ARFGAP3: variants seen among roughly 807,000 people sequenced by gnomAD.
ARFGAP3 encodes the protein ARF GTPase activating protein 3.
Under a neutral mutation model 75.0 loss-of-function variants are expected in ARFGAP3, and 72 were observed. The observed-to-expected ratio is 0.96, with a 90% confidence interval of 0.79 to 1.17. ARFGAP3 has a LOEUF of 1.17. Ranked by LOEUF, ARFGAP3 falls within the 50% of genes most tolerant of loss-of-function variation. The pLI, the probability that ARFGAP3 is intolerant of heterozygous loss-of-function variation, is 0.00. For missense variants in ARFGAP3, 620 were observed against 626.6 expected (o/e 0.99, Z 0.11); for synonymous variants, 221 against 217.9 (o/e 1.01, Z -0.13).
intron 2 of ARFGAP3, among the ~76,000 whole-genome samples, chr22:42,841,486 C>A (rs957229659): frequency 6.6e-6 from 1 of 152,280 alleles, no homozygotes; most frequent in African/African-American, 2.4e-5. Flanking sequence ...GGAAAAAACA[C>A]AAGATTTCAT....
chr22:42,834,693 C>T (rs948288234), intron 4 of ARFGAP3, among the ~76,000 whole-genome samples: 6 of 152,164 alleles, frequency 3.9e-5, no homozygotes, highest in Admixed American at 2.0e-4. Flanking sequence ...AATTAGTCCT[C>T]GTGGTGTTTT....
rs535752707 is a variant in ARFGAP3, at chr22:42,844,479, G to A, written c.188+3035C>T. On this transcript the variant is annotated intron_variant, in intron 2 of 15. Coordinates refer to ENST00000263245, the MANE Select transcript of ARFGAP3 (RefSeq NM_014570.5). ...ACACACCTGTAATCCCAGCTACTTC[G>A]GAGGCTGAAGCAGGAGAATTGCTTG... Among the ~76,000 whole-genome samples the A allele has an allele frequency of 3.1e-3, 472 of 152,030 alleles. 3 individuals are homozygous for A. The highest frequency in any genetic ancestry group is 0.011 in the African/African-American group (445 of 41,486).
At chr22:42,830,539 C>T (rs1427555665) in intron 6 of ARFGAP3, among the ~76,000 whole-genome samples, 1 of 152,206 alleles carries the variant, frequency 6.6e-6, no homozygotes, top group Non-Finnish European at 1.5e-5. Context: ...AACCCATGAA[C>T]TCACTGCTTA....
At chr22:42,807,204 T>C (rs11913107) in intron 13 of ARFGAP3, 41 bp from the exon 14 acceptor site, 46,673 of 1,565,508 alleles carry the variant, frequency 0.03, 860 homozygotes, top group African/African-American at 0.074. Context: ...GCTCCAAAGA[T>C]TGTGGGCAGT....
At chr22:42,810,741 T>G in intron 12 of ARFGAP3, 72 bp downstream of exon 12, 1 of 1,358,592 alleles carries the variant, frequency 7.4e-7, no homozygotes, top group Non-Finnish European at 1.0e-6. Flanking sequence ...TTTCATGTCA[T>G]CATGTTATCA....
At chr22:42,831,698 T>C (rs561814801) in intron 5 of ARFGAP3, 62 bp from the exon 6 acceptor site, 41 of 1,606,642 alleles carry the variant, frequency 2.6e-5, no homozygotes, top group South Asian at 1.1e-4. Context: ...AAAAAACACA[T>C]CAAAGCACGG....
chr22:42,801,819 T>A (rs779725901), intron 14 of ARFGAP3, among the ~76,000 whole-genome samples: 1 of 152,146 alleles, frequency 6.6e-6, no homozygotes, highest in Non-Finnish European at 1.5e-5. Flanking sequence ...CTTCGCATGG[T>A]CTTGCCCTCA....
chr22:42,844,827 G>A (rs1926942332), intron 2 of ARFGAP3, among the ~76,000 whole-genome samples: 1 of 152,100 alleles, frequency 6.6e-6, no homozygotes, highest in Non-Finnish European at 1.5e-5. Context: ...CTAGACTCCT[G>A]CCCTAAGGTT....
chr22:42,825,455 C>T (rs138158319), intron 7 of ARFGAP3, among the ~76,000 whole-genome samples: 3,677 of 152,086 alleles, frequency 0.024, 145 homozygotes, highest in African/African-American at 0.085. Flanking sequence ...GGGCAGATCA[C>T]CTGAGGTCAG....
At chr22:42,836,343 G>C (rs1926521631) in intron 3 of ARFGAP3, among the ~76,000 whole-genome samples, 1 of 151,992 alleles carries the variant, frequency 6.6e-6, no homozygotes, top group Non-Finnish European at 1.5e-5. Context: ...GCATGATCAT[G>C]GCTCACTGCA....
At position 42,832,484 on chromosome 22, in the gene ARFGAP3, T is replaced by C. The variant is rs552596721; in HGVS notation, c.478-848A>G. On this transcript the variant is annotated intron_variant, in intron 5 of 15. Coordinates refer to ENST00000263245, the MANE Select transcript of ARFGAP3 (RefSeq NM_014570.5). ...AGGCAGAGGCTGCAGTGAGCCAAGA[T>C]TGTGCCAGTGCACTCCAACGTGGGT... Among the ~76,000 whole-genome samples, 3 of 150,682 alleles carry C rather than the reference T, an allele frequency of 2.0e-5. No homozygotes were observed. The East Asian group carries it at 5.9e-4, about 29-fold the overall frequency.
At chr22:42,848,761 C>T (rs943286508) in intron 1 of ARFGAP3, among the ~76,000 whole-genome samples, 10 of 152,284 alleles carry the variant, frequency 6.6e-5, no homozygotes, top group African/African-American at 2.4e-4. Flanking sequence ...GTTGTGGCAG[C>T]CAGACTCCAA....
At chr22:42,807,247 TG>T (rs1925167937) in intron 13 of ARFGAP3, 84 bp from the exon 14 acceptor site, 2 of 1,495,652 alleles carry the variant, frequency 1.3e-6, no homozygotes, top group Non-Finnish European at 1.8e-6. Context: ...AGCTGTCATT[TG>T]AAAGTGTTTG....
chr22:42,811,955 T>C (rs1477324904), intron 11 of ARFGAP3, among the ~76,000 whole-genome samples: 1 of 152,126 alleles, frequency 6.6e-6, no homozygotes. Flanking sequence ...GGCAGGTGGA[T>C]TGCTTGAGCC....
chr22:42,823,646 T>C lies in ARFGAP3; in HGVS notation c.672+10A>G, dbSNP rs1388615101. 1 of 1,550,478 alleles carries C rather than the reference T, an allele frequency of 6.4e-7. No individual in the cohort carries two copies. The highest frequency in any genetic ancestry group is 1.9e-5 in the Admixed American group (1 of 53,586). On this transcript the variant is annotated intron_variant, in intron 8 of 15. Transcript: ENST00000263245. The stretch of plus-strand genomic sequence containing the variant: ...ACCAGATTTTTATATATAAAGTACA[T>C]AATACTCACGCCTTTTTTAGCTTGA...
rs568111998 is a variant in ARFGAP3, at chr22:42,825,127, G to A, written c.626-1425C>T. 2.6e-5 allele frequency among the ~76,000 whole-genome samples: 4 copies of A among 152,310 alleles called. No individual in the cohort carries two copies. In the East Asian group the frequency reaches 5.8e-4, roughly 22 times the overall value. On this transcript the variant is annotated intron_variant, in intron 7 of 15. Transcript: ENST00000263245. ...CAAACAAAAAACATTAGTCCAGTGT[G>A]ATGGCGTGCGCCTGTGGTCCCAGCT...
At chr22:42,812,224 CAAAAAA>C (rs3046479) in intron 11 of ARFGAP3, among the ~76,000 whole-genome samples, 4 of 56,628 alleles carry the variant, frequency 7.1e-5, no homozygotes, top group East Asian at 5.7e-4. Flanking sequence ...GATACTGTCT[CAAAAAA>C]AAAAAAAAAA....
At position 42,801,788 on chromosome 22, in the gene ARFGAP3, C is replaced by A. The variant is rs541642485; in HGVS notation, c.1412-2628G>T. Reference sequence around the variant, plus strand: ...CCAAGGGCACAGAAATGAGAACTGACAGTCCACTGGGGGAGACGGTCTTCG... The same window carrying A: ...CCAAGGGCACAGAAATGAGAACTGAAAGTCCACTGGGGGAGACGGTCTTCG... On this transcript the variant is annotated intron_variant, in intron 14 of 15. Transcript: ENST00000263245. 3.9e-5 allele frequency among the ~76,000 whole-genome samples: 6 copies of A among 152,326 alleles called. No individual in the cohort carries two copies. In the Middle Eastern group the frequency reaches 0.02, roughly 518 times the overall value.
At chr22:42,841,744 G>A (rs1175298703) in intron 2 of ARFGAP3, among the ~76,000 whole-genome samples, 2 of 152,132 alleles carry the variant, frequency 1.3e-5, no homozygotes, top group Non-Finnish European at 2.9e-5. Flanking sequence ...AAGGAATGTG[G>A]ATATTTTAGA....
Sources: gnomAD v4.1 joint callset for allele counts (sites outside exome capture counted in the v4.1 genomes callset) on GRCh38, gnomAD v4.1.1 for gene constraint, MANE v1.5 for transcripts, NCBI Gene and HGNC (gene_info 2026-07-23, HGNC 2026-07-21) for gene names.